SCMH1: variants seen among roughly 807,000 people sequenced by gnomAD.
The protein encoded by SCMH1 is polycomb protein SCMH1.
Under a neutral mutation model 70.8 loss-of-function variants are expected in SCMH1, and 37 were observed. The ratio of observed to expected loss-of-function variants is 0.52; its 90% confidence interval spans 0.40 to 0.69. The LOEUF is 0.69. Ranked by LOEUF, SCMH1 falls within the 30% of genes least tolerant of loss-of-function variation. The probability of loss-of-function intolerance (pLI) is 0.00; values close to 1 mark genes in which losing one functional copy is unlikely to be tolerated. For missense variants in SCMH1, 607 were observed against 827.3 expected (o/e 0.73, Z 3.27); for synonymous variants, 292 against 307.4 (o/e 0.95, Z 0.52).
chr1:41,201,404 G>T (rs975284474), intron 1 of SCMH1, among the ~76,000 whole-genome samples: 1 of 152,150 alleles, frequency 6.6e-6, no homozygotes, highest in African/African-American at 2.4e-5. Flanking sequence ...AAAACAGAAG[G>T]TTAGAACTCA....
At chr1:41,159,938 G>A in intron 4 of SCMH1, 1 of 673,888 alleles carries the variant, frequency 1.5e-6, no homozygotes, top group Non-Finnish European at 2.2e-6. Flanking sequence ...ACAACCCTGT[G>A]AAGTAGGCAG....
intron 1 of SCMH1, among the ~76,000 whole-genome samples, chr1:41,241,593 C>A (rs890742870): frequency 6.6e-6 from 1 of 152,174 alleles, no homozygotes; most frequent in Non-Finnish European, 1.5e-5. Flanking sequence ...ACCTCTGGCG[C>A]CGGAGGGGAC....
chr1:41,173,469 C>A (rs570426689), intron 2 of SCMH1, among the ~76,000 whole-genome samples: 4 of 152,128 alleles, frequency 2.6e-5, no homozygotes, highest in African/African-American at 7.2e-5. Context: ...AAAATAAATG[C>A]TGACAAAAAT....
intron 10 of SCMH1, among the ~76,000 whole-genome samples, chr1:41,062,970 A>G (rs915921044): frequency 6.6e-6 from 1 of 151,876 alleles, no homozygotes; most frequent in African/African-American, 2.4e-5. Flanking sequence ...AAAACTTATC[A>G]CAATTTGTGG....
chr1:41,182,867 C>T (rs1163765079), intron 2 of SCMH1, among the ~76,000 whole-genome samples: 3 of 152,100 alleles, frequency 2.0e-5, no homozygotes, highest in African/African-American at 7.2e-5. Flanking sequence ...CTGCCATAAA[C>T]TACTCAGTGA....
chr1:41,074,860 C>T (rs1475391575), intron 9 of SCMH1, among the ~76,000 whole-genome samples: 1 of 152,100 alleles, frequency 6.6e-6, no homozygotes, highest in Non-Finnish European at 1.5e-5. Context: ...AATGACCGCC[C>T]CCAACCCTGC....
At chr1:41,223,366 T>G (rs562206348) in intron 1 of SCMH1, among the ~76,000 whole-genome samples, 1 of 152,348 alleles carries the variant, frequency 6.6e-6, no homozygotes, top group Admixed American at 6.5e-5. Flanking sequence ...TCACCATTTG[T>G]GAATTAAGTT....
chr1:41,195,896 T>C (rs1652907450), intron 1 of SCMH1, among the ~76,000 whole-genome samples: 1 of 152,188 alleles, frequency 6.6e-6, no homozygotes, highest in Admixed American at 6.5e-5. Flanking sequence ...ACACAAAGTT[T>C]AGTTGCATTT....
intron 8 of SCMH1, among the ~76,000 whole-genome samples, chr1:41,107,016 C>A (rs1668116168): frequency 6.9e-6 from 1 of 145,246 alleles, no homozygotes; most frequent in African/African-American, 2.5e-5. Flanking sequence ...CTTGACCATA[C>A]TTTTTTTTTT....
intron 2 of SCMH1, among the ~76,000 whole-genome samples, chr1:41,169,225 C>T (rs540046168): frequency 2.0e-5 from 3 of 152,318 alleles, no homozygotes; most frequent in Non-Finnish European, 4.4e-5. Context: ...CATGACGAAA[C>T]TCCTTCCAGG....
At chr1:41,038,127 T>C (rs1645569097) in intron 12 of SCMH1, 1 of 152,324 alleles carries the variant, frequency 6.6e-6, no homozygotes, top group Non-Finnish European at 1.5e-5. Flanking sequence ...GCTCTGCCAC[T>C]CAGCAGAGTG....
At chr1:41,031,159 T>A (rs1193674063) in intron 13 of SCMH1, among the ~76,000 whole-genome samples, 1 of 152,132 alleles carries the variant, frequency 6.6e-6, no homozygotes, top group African/African-American at 2.4e-5. Context: ...TGTGGTGGTA[T>A]GCACCAATAG....
At chr1:41,091,553 A>G (rs1239479524) in intron 8 of SCMH1, among the ~76,000 whole-genome samples, 2 of 152,196 alleles carry the variant, frequency 1.3e-5, no homozygotes, top group Non-Finnish European at 2.9e-5. Flanking sequence ...GGCAAGAGAA[A>G]GAAATAAAGG....
At position 41,113,201 on chromosome 1, in the gene SCMH1, TGAA is replaced by T. The variant is rs2147856630; in HGVS notation, c.745+79_745+81del. ...CCTGCATACTAGTGAAGTATACTGG[TGAA>T]GATATGATCATGACAGCCCTGGGTA... On this transcript the variant is annotated intron_variant, in intron 8 of 14. Transcript: ENST00000337495. This position sits in a 1 kb window ranked among gnomAD's most constrained non-coding sequence, Gnocchi z 4.3. The T allele has an allele frequency of 1.3e-6, 2 of 1,519,966 alleles. No individual in the cohort carries two copies. The highest frequency in any genetic ancestry group is 4.5e-5 in the East Asian group (2 of 44,218). 94.2% of individuals were successfully genotyped at this position (1,519,966 alleles called of 1,614,324 possible).
intron 7 of SCMH1, among the ~76,000 whole-genome samples, chr1:41,114,561 G>A (rs1261656814): frequency 2.6e-5 from 4 of 151,542 alleles, no homozygotes; most frequent in Non-Finnish European, 5.9e-5. Context: ...GAATTACAAC[G>A]AATTTATAGA....
intron 5 of SCMH1, among the ~76,000 whole-genome samples, chr1:41,144,262 A>AC (rs1644357923): frequency 6.6e-6 from 1 of 151,790 alleles, no homozygotes; most frequent in African/African-American, 2.4e-5. Flanking sequence ...ATTCCCCATT[A>AC]CCCTCTCAGC....
chr1:41,166,336 T>A (rs71648536), intron 2 of SCMH1, among the ~76,000 whole-genome samples: 16,470 of 152,112 alleles, frequency 0.11, 1,266 homozygotes, highest in East Asian at 0.27. Context: ...CCTTTGTGTC[T>A]CCCCCACATT....
At chr1:41,101,051 C>T (rs1269838701) in intron 8 of SCMH1, among the ~76,000 whole-genome samples, 2 of 150,750 alleles carry the variant, frequency 1.3e-5, no homozygotes, top group East Asian at 3.9e-4. Flanking sequence ...GAAGAGAGCT[C>T]AAGATGATGA....
intron 2 of SCMH1, among the ~76,000 whole-genome samples, chr1:41,170,599 T>G (rs774851608): frequency 1.3e-5 from 2 of 152,200 alleles, no homozygotes; most frequent in African/African-American, 2.4e-5. Context: ...GCATTCTTAT[T>G]GCTCTATTAT....
Sources: allele counts gnomAD v4.1 joint callset (sites outside exome capture counted in the v4.1 genomes callset), GRCh38; gene constraint gnomAD v4.1.1; non-coding constraint Gnocchi (gnomAD v3.1); transcripts MANE v1.5; gene names NCBI Gene and HGNC (gene_info 2026-07-23, HGNC 2026-07-21).